The following LRRC7 variants were observed in gnomAD, a reference collection of about 807,000 sequenced individuals.
The protein encoded by LRRC7 is leucine rich repeat containing 7.
Under a neutral mutation model 175.7 loss-of-function variants are expected in LRRC7, and 23 were observed. The ratio of observed to expected loss-of-function variants is 0.13; its 90% confidence interval spans 0.09 to 0.19. The LOEUF (loss-of-function observed/expected upper bound fraction) is 0.19, where lower values mean the gene tolerates loss of function less well. Ranked by LOEUF, LRRC7 falls within the 10% of genes least tolerant of loss-of-function variation. LRRC7 has a pLI of 1.00. For synonymous variants in LRRC7, 685 were observed against 680.9 expected, an observed-to-expected ratio of 1.01 and a Z score of -0.09; for missense variants, 1,354 against 1,904.7, an observed-to-expected ratio of 0.71 and a Z score of 5.38.
At chr1:69,930,840 A>G (rs1346767317) in intron 7 of LRRC7, among the ~76,000 whole-genome samples, 4 of 152,224 alleles carry the variant, frequency 2.6e-5, no homozygotes, top group African/African-American at 9.6e-5. Flanking sequence ...TAAAACCTTC[A>G]GATCTCATGA....
chr1:69,629,093 G>T (rs533879312), intron 1 of LRRC7, among the ~76,000 whole-genome samples: 3 of 152,074 alleles, frequency 2.0e-5, no homozygotes, highest in Non-Finnish European at 4.4e-5. Flanking sequence ...CCAAAGGCAT[G>T]ATCAATGAGA....
rs1558009856 is a variant in LRRC7 at position 70,036,102 on chromosome 1, G to A, written c.1996-19G>A. 2 of 1,576,200 alleles carry A rather than the reference G, an allele frequency of 1.3e-6. No individual in the cohort carries two copies. Among genetic ancestry groups the A allele is most frequent in the Admixed American group, 1.8e-5 (1 of 56,366 alleles). ...TTTAAATGTTTACTTTCCTTGTCCTGTATTATTATATCTCTCAGGATTCTT... is the reference window on the plus strand; with the variant it reads ...TTTAAATGTTTACTTTCCTTGTCCTATATTATTATATCTCTCAGGATTCTT... On this transcript the variant is annotated intron_variant, in intron 18 of 26. Coordinates refer to ENST00000651989, the MANE Select transcript of LRRC7 (RefSeq NM_001370785.2).
At chr1:70,054,913 G>A (rs1052848173) in intron 23 of LRRC7, among the ~76,000 whole-genome samples, 3 of 151,970 alleles carry the variant, frequency 2.0e-5, no homozygotes, top group African/African-American at 7.3e-5. Flanking sequence ...CTAAGCTCAT[G>A]AGTGTTCATT....
intron 1 of LRRC7, among the ~76,000 whole-genome samples, chr1:69,621,030 TTTC>T (rs1381713643): frequency 2.0e-5 from 3 of 147,892 alleles, no homozygotes; most frequent in Non-Finnish European, 4.6e-5. Context: ...CTTATATTTC[TTTC>T]TTCTTTTTTT....
intron 1 of LRRC7, among the ~76,000 whole-genome samples, chr1:69,620,295 T>C (rs1224314491): frequency 6.6e-6 from 1 of 152,036 alleles, no homozygotes; most frequent in Non-Finnish European, 1.5e-5. Flanking sequence ...TACACTCTAA[T>C]ACAGTAAATA....
At chr1:69,903,383 C>T (rs1045363703) in intron 7 of LRRC7, among the ~76,000 whole-genome samples, 17 of 152,186 alleles carry the variant, frequency 1.1e-4, no homozygotes, top group African/African-American at 3.6e-4. Flanking sequence ...GGTCAGGGAA[C>T]TCCCTCCCCT....
At chr1:70,091,439 G>C (rs1166828721) in intron 25 of LRRC7, among the ~76,000 whole-genome samples, 1 of 151,976 alleles carries the variant, frequency 6.6e-6, no homozygotes, top group African/African-American at 2.4e-5. Context: ...TGATACTTAA[G>C]AGAGTTGAAA....
chr1:69,671,136 G>A (rs1481133922), intron 1 of LRRC7, among the ~76,000 whole-genome samples: 10 of 152,142 alleles, frequency 6.6e-5, no homozygotes. Context: ...CGTGAAGCCA[G>A]CAAGTCTGAG....
chr1:69,742,798 T>C (rs1264364732), intron 2 of LRRC7, among the ~76,000 whole-genome samples: 1 of 151,996 alleles, frequency 6.6e-6, no homozygotes, highest in East Asian at 1.9e-4. Context: ...CCTGACCTTA[T>C]TGTTTATAGA....
At chr1:69,876,633 T>C (rs1170882663) in intron 7 of LRRC7, among the ~76,000 whole-genome samples, 1 of 152,218 alleles carries the variant, frequency 6.6e-6, no homozygotes, top group African/African-American at 2.4e-5. Context: ...CAACTTGCTT[T>C]GATTTCAGCT....
chr1:69,745,733 G>A (rs1182253184), intron 2 of LRRC7, among the ~76,000 whole-genome samples: 1 of 151,786 alleles, frequency 6.6e-6, no homozygotes, highest in Non-Finnish European at 1.5e-5. Flanking sequence ...TGATGTGTGT[G>A]TGTTTGTGTA....
chr1:70,113,414 A>G (rs17131212), intron 26 of LRRC7, among the ~76,000 whole-genome samples: 10,857 of 152,204 alleles, frequency 0.071, 470 homozygotes, highest in South Asian at 0.18. Context: ...GAGAGAATTT[A>G]TATCATACCT....
intron 2 of LRRC7, among the ~76,000 whole-genome samples, chr1:69,700,828 C>T (rs1460233873): frequency 2.0e-5 from 3 of 152,152 alleles, no homozygotes; most frequent in Admixed American, 1.3e-4. Context: ...AAGTTTATTT[C>T]TCAGCAGAGA....
intron 7 of LRRC7, among the ~76,000 whole-genome samples, chr1:69,914,073 C>G (rs1646615552): frequency 6.6e-6 from 1 of 152,052 alleles, no homozygotes. Flanking sequence ...AGACATCAGA[C>G]AGCAATAACT....
chr1:69,789,177 T>A (rs746506039), intron 3 of LRRC7, among the ~76,000 whole-genome samples: 7 of 152,126 alleles, frequency 4.6e-5, no homozygotes, highest in Admixed American at 2.0e-4. Context: ...TATTGTATAG[T>A]CTTCTCAAAC....
chr1:70,064,285 G>C (rs991177574), intron 23 of LRRC7, among the ~76,000 whole-genome samples: 1 of 151,918 alleles, frequency 6.6e-6, no homozygotes, highest in Non-Finnish European at 1.5e-5. Context: ...AGGATGAAAA[G>C]GTTCAGCTTA....
At chr1:70,063,125 A>C (rs1488971099) in intron 23 of LRRC7, among the ~76,000 whole-genome samples, 1 of 152,056 alleles carries the variant, frequency 6.6e-6, no homozygotes, top group Non-Finnish European at 1.5e-5. Context: ...ATCCAGTCTC[A>C]CTCTAAATTA....
chr1:69,732,214 A>G (rs1407257253), intron 2 of LRRC7, among the ~76,000 whole-genome samples: 1 of 152,122 alleles, frequency 6.6e-6, no homozygotes, highest in Non-Finnish European at 1.5e-5. Context: ...TAACTTCAAG[A>G]AAAAGCTAAA....
At chr1:70,085,370 C>A (rs2102155666) in intron 24 of LRRC7, among the ~76,000 whole-genome samples, 1 of 152,250 alleles carries the variant, frequency 6.6e-6, no homozygotes, top group South Asian at 2.1e-4. Context: ...GTCCCAGCAC[C>A]ATTTACTGAA....
Sources: allele counts gnomAD v4.1 joint callset (sites outside exome capture counted in the v4.1 genomes callset), GRCh38; gene constraint gnomAD v4.1.1; transcripts MANE v1.5; gene names NCBI Gene and HGNC (gene_info 2026-07-23, HGNC 2026-07-21).